KCTD8: variants seen among roughly 807,000 people sequenced by gnomAD.
KCTD8 encodes potassium channel tetramerization domain containing 8.
In KCTD8, 27 loss-of-function variants were observed where a neutral mutation model predicts 31.5. The observed-to-expected ratio is 0.86, with a 90% CI of 0.63 to 1.18. KCTD8 has a LOEUF of 1.18. Ranked by LOEUF, KCTD8 falls within the 50% of genes most tolerant of loss-of-function variation. The pLI is 0.00. For synonymous variants in KCTD8, 290 were observed against 280.0 expected, an observed-to-expected ratio of 1.04 and a Z score of -0.36; for missense variants, 658 against 647.7, an observed-to-expected ratio of 1.02 and a Z score of -0.17.
intron 1 of KCTD8, among the ~76,000 whole-genome samples, chr4:44,428,276 A>G (rs960961340): frequency 1.3e-5 from 2 of 151,744 alleles, no homozygotes; most frequent in African/African-American, 4.8e-5. Context: ...AAAAATATGT[A>G]CCTCAAGACT....
At chr4:44,422,648 G>T (rs924334487) in intron 1 of KCTD8, among the ~76,000 whole-genome samples, 5 of 152,042 alleles carry the variant, frequency 3.3e-5, no homozygotes, top group Admixed American at 2.0e-4. Flanking sequence ...GTAGTTTCAG[G>T]GTATAGTAGA....
At chr4:44,309,640 C>T (rs968242636) in intron 1 of KCTD8, among the ~76,000 whole-genome samples, 1 of 151,964 alleles carries the variant, frequency 6.6e-6, no homozygotes, top group Non-Finnish European at 1.5e-5. Context: ...GGTGTATGAA[C>T]ATAAAATACT....
intron 1 of KCTD8, among the ~76,000 whole-genome samples, chr4:44,362,732 A>T (rs2109431284): frequency 6.6e-6 from 1 of 152,070 alleles, no homozygotes; most frequent in East Asian, 1.9e-4. Flanking sequence ...ATACCAGTAT[A>T]ACTTCAAGTG....
In KCTD8 at chr4:44,174,002, T is replaced by C. The variant is rs1248688045; in HGVS notation, c.*788A>G. The C allele has an allele frequency of 6.6e-6, 1 of 152,150 alleles. No individual in the cohort carries two copies. Among genetic ancestry groups the C allele is most frequent in the Non-Finnish European group, 1.5e-5 (1 of 67,994 alleles). The allele number at this position is 152,150 out of a possible 1,614,324, so 9.4% of individuals were successfully genotyped here. On this transcript the variant is annotated 3_prime_UTR_variant, in exon 2 of 2. Transcript: ENST00000360029. ...GATAATAGGATCTTTCAAAGCATCA[T>C]TATACCAATTTTCACAGCCCGATGT...
At chr4:44,361,447 T>C (rs1204396234) in intron 1 of KCTD8, among the ~76,000 whole-genome samples, 4 of 152,088 alleles carry the variant, frequency 2.6e-5, no homozygotes, top group African/African-American at 2.4e-5. Context: ...ATGAACTAGA[T>C]ACTTTTAAAA....
intron 1 of KCTD8, among the ~76,000 whole-genome samples, chr4:44,288,680 A>C (rs1184344651): frequency 6.6e-6 from 1 of 152,042 alleles, no homozygotes; most frequent in Non-Finnish European, 1.5e-5. Context: ...TATGCCTTCA[A>C]TTTTACATCT....
At chr4:44,320,186 A>T (rs1050929859) in intron 1 of KCTD8, among the ~76,000 whole-genome samples, 7 of 149,040 alleles carry the variant, frequency 4.7e-5, no homozygotes, top group Non-Finnish European at 6.0e-5. Flanking sequence ...AAAAAAAAAA[A>T]AAAAAAAAAA....
chr4:44,192,239 A>G (rs930006990), intron 1 of KCTD8, among the ~76,000 whole-genome samples: 27 of 152,214 alleles, frequency 1.8e-4, no homozygotes, highest in African/African-American at 5.5e-4. Context: ...AACAAATCTA[A>G]TCATTGTGTA....
chr4:44,420,240 A>C (rs546709710), intron 1 of KCTD8, among the ~76,000 whole-genome samples: 9 of 152,306 alleles, frequency 5.9e-5, no homozygotes, highest in Non-Finnish European at 1.0e-4. Context: ...TAAACAAAAA[A>C]TTATGGACAA....
chr4:44,447,368 G>T (rs1721968225), intron 1 of KCTD8, among the ~76,000 whole-genome samples, 195 bp downstream of exon 1: 1 of 152,218 alleles, frequency 6.6e-6, no homozygotes. Flanking sequence ...GGGGAGTAGA[G>T]ACGGAAATAT....
intron 1 of KCTD8, among the ~76,000 whole-genome samples, chr4:44,236,645 C>T (rs1715297251): frequency 6.6e-6 from 1 of 151,922 alleles, no homozygotes; most frequent in African/African-American, 2.4e-5. Flanking sequence ...CTGAAAGGTA[C>T]ATATTGATAC....
chr4:44,193,243 C>T (rs1009224143), intron 1 of KCTD8, among the ~76,000 whole-genome samples: 2 of 152,038 alleles, frequency 1.3e-5, no homozygotes, highest in African/African-American at 4.8e-5. Context: ...TTATACATAG[C>T]ATCTCATTTA....
intron 1 of KCTD8, among the ~76,000 whole-genome samples, chr4:44,301,786 C>T (rs549252751): frequency 6.6e-6 from 1 of 152,244 alleles, no homozygotes; most frequent in African/African-American, 2.4e-5. Flanking sequence ...ACATGAAGTC[C>T]TTGCCCATGC....
Position 44,448,446 on chromosome 4 carries a change from G to T in KCTD8, c.78C>A (p.Pro26=). Residue 26 remains proline, a synonymous_variant, in exon 1 of 2, where the codon CCC becomes CCA. Transcript: ENST00000360029. This position sits in a 1 kb window ranked among gnomAD's most constrained non-coding sequence, Gnocchi z 4.1. ...ISEMVSSSSS[P]GASAAAAPGP... is the part of the protein sequence containing the mutation. ...CCGGGGCGGCGGCGGCCGACGCGCC[G>T]GGCGAGCTGGACGAGGAAACCATCT... The T allele has an allele frequency of 6.5e-7, 1 of 1,548,894 alleles. No homozygotes were observed.
chr4:44,297,993 A>G (rs1717486149), intron 1 of KCTD8, among the ~76,000 whole-genome samples: 2 of 152,302 alleles, frequency 1.3e-5, no homozygotes, highest in South Asian at 4.1e-4. Context: ...TGAGACTGCC[A>G]TTAGACTATG....
chr4:44,384,706 G>A (rs1720162488), intron 1 of KCTD8, among the ~76,000 whole-genome samples: 1 of 151,716 alleles, frequency 6.6e-6, no homozygotes, highest in Non-Finnish European at 1.5e-5. Context: ...ACACATTCTA[G>A]TTACAGTGTT....
intron 1 of KCTD8, among the ~76,000 whole-genome samples, chr4:44,311,143 C>T (rs1345389615): frequency 6.6e-6 from 1 of 151,916 alleles, no homozygotes; most frequent in Non-Finnish European, 1.5e-5. Flanking sequence ...TCTTAGAATC[C>T]AAAACACAAA....
chr4:44,258,872 C>T (rs1324953526), intron 1 of KCTD8, among the ~76,000 whole-genome samples: 1 of 151,786 alleles, frequency 6.6e-6, no homozygotes, highest in Non-Finnish European at 1.5e-5. Flanking sequence ...GAGCAAGTTG[C>T]TTAACCTCCC....
chr4:44,209,490 ACACACATACACACACACACACACTCT>A (rs1448783382), intron 1 of KCTD8, among the ~76,000 whole-genome samples: 82 of 151,334 alleles, frequency 5.4e-4, no homozygotes, highest in Non-Finnish European at 8.9e-5. Flanking sequence ...AGATATAGCT[ACACACATACACACACACACACACTCT>A]CACACACACA....
Sources: gnomAD v4.1 joint callset for allele counts (sites outside exome capture counted in the v4.1 genomes callset) on GRCh38, gnomAD v4.1.1 for gene constraint, Gnocchi (gnomAD v3.1) non-coding constraint, MANE v1.5 for transcripts, NCBI Gene and HGNC (gene_info 2026-07-23, HGNC 2026-07-21) for gene names.